OSBPL8: variants seen among roughly 807,000 people sequenced by gnomAD.
The protein encoded by OSBPL8 is oxysterol binding protein like 8, also known as oxysterol-binding protein-related protein 8.
In OSBPL8, 59 loss-of-function variants were observed where a neutral mutation model predicts 125.5. The ratio of observed to expected loss-of-function variants is 0.47; its 90% confidence interval spans 0.38 to 0.58. The LOEUF (loss-of-function observed/expected upper bound fraction) is 0.58, where lower values mean the gene tolerates loss of function less well. Ranked by LOEUF, OSBPL8 falls within the 20% of genes least tolerant of loss-of-function variation. The pLI, the probability that OSBPL8 is intolerant of heterozygous loss-of-function variation, is 0.00. For missense variants in OSBPL8, 758 were observed against 1,047.8 expected (o/e 0.72, Z 3.82); for synonymous variants, 330 against 338.9 (o/e 0.97, Z 0.29).
chr12:76,382,079 G>A (rs1953081231), intron 15 of OSBPL8, among the ~76,000 whole-genome samples: 1 of 151,938 alleles, frequency 6.6e-6, no homozygotes, highest in African/African-American at 2.4e-5. Context: ...TACATTTAAG[G>A]TATGTTGGTC....
intron 2 of OSBPL8, among the ~76,000 whole-genome samples, chr12:76,462,970 T>G (rs569417185): frequency 6.6e-6 from 1 of 152,196 alleles, no homozygotes; most frequent in Admixed American, 6.5e-5. Context: ...TCAGGTTGTA[T>G]AGGACTTTGT....
intron 2 of OSBPL8, 81 bp from the exon 3 acceptor site, chr12:76,459,976 A>C (rs1251058567): frequency 7.2e-7 from 1 of 1,380,036 alleles, no homozygotes; most frequent in Non-Finnish European, 1.0e-6. Context: ...CGGAAACAGC[A>C]GTGAAACAAA....
intron 16 of OSBPL8, among the ~76,000 whole-genome samples, chr12:76,375,855 T>C (rs1394067493): frequency 6.6e-6 from 1 of 152,204 alleles, no homozygotes; most frequent in Non-Finnish European, 1.5e-5. Context: ...AGTGTTGCAG[T>C]GCTGTCTAGT....
At position 76,354,679 on chromosome 12, in the gene OSBPL8, C is replaced by T. The variant is rs1285349192; in HGVS notation, c.*1210G>A. ...AAAAACACAAAATCAAAATATTAAACTGAAGAAACAAACAAAAAAATTTGC... is the reference window on the plus strand; with the variant it reads ...AAAAACACAAAATCAAAATATTAAATTGAAGAAACAAACAAAAAAATTTGC... On this transcript the variant is annotated 3_prime_UTR_variant, in exon 24 of 24. Coordinates refer to ENST00000261183, the MANE Select transcript of OSBPL8 (RefSeq NM_020841.5). 2.0e-5 allele frequency: 3 copies of T among 151,858 alleles called. No individual in the cohort carries two copies. Among genetic ancestry groups the T allele is most frequent in the Non-Finnish European group, 2.9e-5 (2 of 67,826 alleles). 9.4% of individuals were successfully genotyped at this position (151,858 alleles called of 1,614,324 possible). A position where few individuals can be genotyped will look rare whatever the true frequency, so the allele number is the denominator to read the frequency against.
At chr12:76,404,395 T>C (rs1467104118) in intron 5 of OSBPL8, among the ~76,000 whole-genome samples, 1 of 152,182 alleles carries the variant, frequency 6.6e-6, no homozygotes, top group Non-Finnish European at 1.5e-5. Flanking sequence ...TTAATGAACA[T>C]TCATGGTTGT....
intron 4 of OSBPL8, among the ~76,000 whole-genome samples, chr12:76,413,657 C>G (rs1338460173): frequency 6.6e-6 from 1 of 152,204 alleles, no homozygotes; most frequent in East Asian, 1.9e-4. Context: ...GGTGGATGCA[C>G]AGTAGTTTGT....
chr12:76,506,655 G>A (rs1281382287), intron 1 of OSBPL8, among the ~76,000 whole-genome samples: 1 of 152,050 alleles, frequency 6.6e-6, no homozygotes, highest in Non-Finnish European at 1.5e-5. Context: ...AAAAAAGGAA[G>A]CAAGATGACA....
intron 1 of OSBPL8, among the ~76,000 whole-genome samples, chr12:76,530,117 G>A (rs1950294179): frequency 6.6e-6 from 1 of 151,108 alleles, no homozygotes; most frequent in African/African-American, 2.4e-5. Context: ...GTGGTGGCAA[G>A]ATCATAGTTC....
chr12:76,463,051 T>C (rs1045056525), intron 2 of OSBPL8, among the ~76,000 whole-genome samples: 11 of 152,148 alleles, frequency 7.2e-5, no homozygotes, highest in Non-Finnish European at 1.2e-4. Flanking sequence ...GAGAAGAGAA[T>C]TGACACAGTC....
intron 14 of OSBPL8, among the ~76,000 whole-genome samples, chr12:76,385,163 T>C (rs1408013156): frequency 1.3e-5 from 2 of 152,186 alleles, no homozygotes; most frequent in African/African-American, 2.4e-5. Flanking sequence ...AATCATTGAG[T>C]TTTAAAAAAT....
At chr12:76,450,602 G>A (rs1485445700) in intron 4 of OSBPL8, among the ~76,000 whole-genome samples, 5 of 151,534 alleles carry the variant, frequency 3.3e-5, no homozygotes, top group African/African-American at 9.7e-5. Flanking sequence ...TGTGAGAATC[G>A]CCAAATTAGA....
chr12:76,473,687 C>T (rs891859282), intron 2 of OSBPL8, among the ~76,000 whole-genome samples: 2 of 152,192 alleles, frequency 1.3e-5, no homozygotes, highest in African/African-American at 4.8e-5. Context: ...CAGGTTGGTT[C>T]CCTGCTCCAA....
intron 2 of OSBPL8, 137 bp from the exon 3 acceptor site, chr12:76,460,032 C>T (rs1299753642): frequency 2.7e-6 from 2 of 728,190 alleles, no homozygotes; most frequent in African/African-American, 1.7e-5. Context: ...AGCACATGCA[C>T]ATCAATAGTA....
chr12:76,380,056 A>T (rs2136237490), intron 15 of OSBPL8, among the ~76,000 whole-genome samples: 1 of 152,328 alleles, frequency 6.6e-6, no homozygotes, highest in South Asian at 2.1e-4. Flanking sequence ...GCTTTATTCT[A>T]AAATCAGGCA....
At chr12:76,539,291 C>G (rs78872407) in intron 1 of OSBPL8, among the ~76,000 whole-genome samples, 13,702 of 151,224 alleles carry the variant, frequency 0.091, 713 homozygotes, top group Admixed American at 0.12. Context: ...TTAATAAAAC[C>G]CTATGCAGAA....
chr12:76,458,235 C>G (rs1041881231), intron 3 of OSBPL8, among the ~76,000 whole-genome samples: 1 of 152,160 alleles, frequency 6.6e-6, no homozygotes, highest in Non-Finnish European at 1.5e-5. Flanking sequence ...GATTGTGCCA[C>G]TGCACTCCAG....
intron 1 of OSBPL8, among the ~76,000 whole-genome samples, chr12:76,516,957 C>T (rs1215639154): frequency 2.6e-5 from 4 of 151,682 alleles, no homozygotes; most frequent in East Asian, 3.9e-4. Flanking sequence ...GGGATTACAG[C>T]GTTATGTCAC....
At position 76,487,426 on chromosome 12, in the gene OSBPL8, A is replaced by G. The variant is rs576311146; in HGVS notation, c.42+84T>C. On this transcript the variant is annotated intron_variant, in intron 2 of 23. Transcript: ENST00000261183. The stretch of plus-strand genomic sequence containing the variant: ...TACTTTTTAAAAGTTTGTTGTTAAT[A>G]TATTTTAAAAACAAAACCCTAGCTT... 6.7e-5 allele frequency: 75 copies of G among 1,123,790 alleles called. 1 individual carries two copies. The Middle Eastern group carries it at 1.8e-3, about 27-fold the overall frequency. 69.6% of individuals were successfully genotyped at this position (1,123,790 alleles called of 1,614,324 possible).
intron 1 of OSBPL8, among the ~76,000 whole-genome samples, chr12:76,552,400 T>G (rs1413882171): frequency 7.4e-5 from 9 of 121,060 alleles, no homozygotes; most frequent in Admixed American, 6.0e-4. Context: ...CACTCTGGCC[T>G]GAGCAACAGA....
Sources: allele counts gnomAD v4.1 joint callset (sites outside exome capture counted in the v4.1 genomes callset), GRCh38; gene constraint gnomAD v4.1.1; transcripts MANE v1.5; gene names NCBI Gene and HGNC (gene_info 2026-07-23, HGNC 2026-07-21).